BCLAF1: variants seen among roughly 807,000 people sequenced by gnomAD.
BCLAF1 encodes bcl-2-associated transcription factor 1.
A neutral mutation model predicts 99.5 loss-of-function variants in BCLAF1; 10 were observed. The ratio of observed to expected loss-of-function variants is 0.10; its 90% CI spans 0.06 to 0.17. BCLAF1 has a LOEUF of 0.17. Ranked by LOEUF, BCLAF1 falls within the 10% of genes least tolerant of loss-of-function variation. The pLI is 1.00. For missense variants in BCLAF1, 636 were observed against 1,105.8 expected (o/e 0.58, Z 6.02); for synonymous variants, 255 against 370.9 (o/e 0.69, Z 3.59).
chr6:136,265,189 G>C (rs571144785), intron 11 of BCLAF1, among the ~76,000 whole-genome samples: 1 of 151,978 alleles, frequency 6.6e-6, no homozygotes, highest in Non-Finnish European at 1.5e-5. Context: ...TTGAAATGTT[G>C]GTCTTTATCT....
In BCLAF1 at chr6:136,261,461, T is replaced by C. The variant is rs1278995890; in HGVS notation, c.2561A>G (p.Asp854Gly). 1 of 1,613,458 alleles carries C rather than the reference T, an allele frequency of 6.2e-7. No homozygotes were observed. Among genetic ancestry groups the C allele is most frequent in the Non-Finnish European group, 8.5e-7 (1 of 1,179,684 alleles). The change falls in exon 12 of 13, where the codon GAT becomes GGT. Residue 854 changes from aspartate to glycine, a missense_variant. This residue lies in a region of BCLAF1 where 57 missense variants were observed against 116.7 expected (regional missense o/e 0.49). Coordinates refer to ENST00000531224, the MANE Select transcript of BCLAF1 (RefSeq NM_014739.3). ...KKYFLHDDRD[D>G]GVDYWAKRGR... ...TCTTTTGGCCCAATAATCCACACCA[T>C]CATCTCTGTCGTCATGCTACAGAAA...
intron 7 of BCLAF1, 59 bp from the exon 8 acceptor site, chr6:136,272,138 T>C: frequency 8.4e-7 from 1 of 1,184,778 alleles, no homozygotes; most frequent in Non-Finnish European, 1.2e-6. Flanking sequence ...TTCAAAAACA[T>C]CCACACGATT....
intron 8 of BCLAF1, 33 bp from the exon 9 acceptor site, chr6:136,269,645 G>A (rs779772471): frequency 6.6e-7 from 1 of 1,513,046 alleles, no homozygotes; most frequent in Non-Finnish European, 8.8e-7. Flanking sequence ...ACAGATTTCA[G>A]GGGAGAAATA....
intron 5 of BCLAF1, 67 bp from the exon 6 acceptor site, chr6:136,275,768 T>C: frequency 2.6e-6 from 4 of 1,563,760 alleles, no homozygotes; most frequent in Non-Finnish European, 3.5e-6. Context: ...AAATGGTATG[T>C]TCAGAAAGTT....
Position 136,262,738 on chromosome 6 carries a change from G to A in BCLAF1, c.2545-1261C>T, listed in dbSNP as rs375490678. Among the ~76,000 whole-genome samples, 87 of 152,178 alleles carry A rather than the reference G, an allele frequency of 5.7e-4. 1 individual carries two copies. In the East Asian group the frequency reaches 8.3e-3, roughly 15 times the overall value. ...AAAATAAACTACTTTAAAATAGTCT[G>A]CCACTAAAAATAATGCCCACTCCAC... On this transcript the variant is annotated intron_variant, in intron 11 of 12. Coordinates refer to ENST00000531224, the MANE Select transcript of BCLAF1 (RefSeq NM_014739.3).
chr6:136,260,895 G>A lies in BCLAF1; in HGVS notation c.*215C>T, dbSNP rs1243426217. 1 of 511,062 alleles carries A rather than the reference G, an allele frequency of 2.0e-6. No homozygotes were observed. Among genetic ancestry groups the A allele is most frequent in the African/African-American group, 2.0e-5 (1 of 49,456 alleles). 31.7% of individuals were successfully genotyped at this position (511,062 alleles called of 1,614,324 possible). On this transcript the variant is annotated 3_prime_UTR_variant, in exon 13 of 13. Coordinates refer to ENST00000531224, the MANE Select transcript of BCLAF1 (RefSeq NM_014739.3). ...TTTAAAAGTTGATAGTTACAAATAT[G>A]GTACGTAACAATTTTCTACTTTATT...
intron 9 of BCLAF1, 166 bp from the exon 10 acceptor site, chr6:136,268,505 T>G (rs1199463926): frequency 3.1e-6 from 2 of 651,946 alleles, no homozygotes; most frequent in Admixed American, 3.0e-5. Context: ...GTTTCCATTC[T>G]CCTTCAATAT....
chr6:136,260,906 A>G lies in BCLAF1; in HGVS notation c.*204T>C, dbSNP rs1780878575. 1 of 543,988 alleles carries G rather than the reference A, an allele frequency of 1.8e-6. No individual in the cohort carries two copies. Among genetic ancestry groups the G allele is most frequent in the African/African-American group, 2.0e-5 (1 of 50,124 alleles). 33.7% of individuals were successfully genotyped at this position (543,988 alleles called of 1,614,324 possible). ...ATAGTTACAAATATGGTACGTAACAATTTTCTACTTTATTTCAGTACAATT... is the reference window on the plus strand; with the variant it reads ...ATAGTTACAAATATGGTACGTAACAGTTTTCTACTTTATTTCAGTACAATT... On this transcript the variant is annotated 3_prime_UTR_variant, in exon 13 of 13. Coordinates refer to ENST00000531224, the MANE Select transcript of BCLAF1 (RefSeq NM_014739.3).
chr6:136,270,516 G>C (rs1172043499), intron 8 of BCLAF1: 1 of 151,722 alleles, frequency 6.6e-6, no homozygotes, highest in African/African-American at 2.4e-5. Context: ...AAAACTGAAA[G>C]TACGTATCTC....
At chr6:136,287,680 T>C (rs1423543251) in intron 1 of BCLAF1, among the ~76,000 whole-genome samples, 1 of 152,198 alleles carries the variant, frequency 6.6e-6, no homozygotes, top group East Asian at 1.9e-4. Flanking sequence ...CATTTCTAAG[T>C]CTTCTCATCA....
chr6:136,271,890 A>T lies in BCLAF1; in HGVS notation c.2043+105T>A, dbSNP rs548680824. ...TACCATAATATAGTTATGAATTAAA[A>T]GTAGAAGATATCTATAGACATTTTG... On this transcript the variant is annotated intron_variant, in intron 8 of 12. Coordinates refer to ENST00000531224, the MANE Select transcript of BCLAF1 (RefSeq NM_014739.3). The T allele has an allele frequency of 1.8e-5, 14 of 773,974 alleles. No homozygotes were observed. The South Asian group carries it at 2.1e-4, about 12-fold the overall frequency. 47.9% of individuals were successfully genotyped at this position (773,974 alleles called of 1,614,324 possible).
rs750702095 is a variant in BCLAF1, at chr6:136,275,601, G to A, written c.1783C>T (p.Pro595Ser). The stretch of plus-strand genomic sequence containing the variant: ...TCTGAAGTGCTTTTGCTGGCCTGTG[G>A]CAACTTAATGTGGTCAAAGATGGAT... ...FRSIFDHIKL[P>S]QASKSTSESF... is the part of the protein sequence containing the mutation. Residue 595 changes from proline to serine, a missense_variant, in exon 6 of 13, where the codon CCA becomes TCA. Pro to Ser is a moderately conservative substitution (Grantham distance 74). Around this residue, in one of 9 missense-constraint regions of BCLAF1, gnomAD observed 180 missense variants for 270.0 expected, o/e 0.67. Transcript: ENST00000531224. The A allele has an allele frequency of 6.3e-7, 1 of 1,595,710 alleles. No individual in the cohort carries two copies. The highest frequency in any genetic ancestry group is 8.5e-7 in the Non-Finnish European group (1 of 1,172,652).
chr6:136,267,237 T>G, intron 10 of BCLAF1, 62 bp from the exon 11 acceptor site: 1 of 1,538,774 alleles, frequency 6.5e-7, no homozygotes, highest in Non-Finnish European at 8.9e-7. Flanking sequence ...TACATGCAAA[T>G]TCTAATTTTA....
chr6:136,274,029 T>C (rs1782913688), intron 6 of BCLAF1: 3 of 1,284,464 alleles, frequency 2.3e-6, no homozygotes, highest in African/African-American at 3.0e-5. Context: ...ACAAGGGTAG[T>C]GCCTCAATCA....
In BCLAF1 at chr6:136,261,434, C is replaced by T. The variant is rs748304265; in HGVS notation, c.2588G>A (p.Gly863Glu). ...ACGTTGAAAAGTACCACGACCTCTT[C>T]CTCTTTTGGCCCAATAATCCACACC... Reference protein sequence around the residue: ...DDGVDYWAKRGRGRGTFQRGR... With the variant: ...DDGVDYWAKRERGRGTFQRGR... Residue 863 changes from glycine (G) to glutamate (E), a missense_variant, in exon 12 of 13, where the codon GGA becomes GAA. Physicochemically the swap from Gly to Glu is moderately conservative, Grantham distance 98. Transcript: ENST00000531224. 6.2e-7 allele frequency: 1 copy of T among 1,613,724 alleles called. No homozygotes were observed. The highest frequency in any genetic ancestry group is 8.5e-7 in the Non-Finnish European group (1 of 1,179,788).
At chr6:136,268,988 T>C (rs1782135751) in intron 9 of BCLAF1, 2 of 466,184 alleles carry the variant, frequency 4.3e-6, no homozygotes, top group Admixed American at 5.3e-5. Flanking sequence ...GGAAATATTA[T>C]TTTGAAAGAC....
intron 8 of BCLAF1, chr6:136,270,222 A>G (rs1237999561): frequency 5.9e-5 from 9 of 151,980 alleles, no homozygotes; most frequent in African/African-American, 2.2e-4. Flanking sequence ...ACAAAGCCAG[A>G]AAGATATTCG....
intron 2 of BCLAF1, among the ~76,000 whole-genome samples, chr6:136,280,400 A>G (rs1358039114): frequency 6.6e-6 from 1 of 152,190 alleles, no homozygotes; most frequent in Non-Finnish European, 1.5e-5. Flanking sequence ...GAGTGGTACT[A>G]GATAGTATCC....
intron 11 of BCLAF1, among the ~76,000 whole-genome samples, chr6:136,262,123 T>C (rs1179943275): frequency 6.6e-6 from 1 of 152,156 alleles, no homozygotes; most frequent in Non-Finnish European, 1.5e-5. Flanking sequence ...ATCCCAGCTT[T>C]AACCATTAAT....
Sources: allele counts gnomAD v4.1 joint callset (sites outside exome capture counted in the v4.1 genomes callset), GRCh38; gene constraint gnomAD v4.1.1; regional missense constraint gnomAD v4.1.1; transcripts MANE v1.5; gene names NCBI Gene and HGNC (gene_info 2026-07-23, HGNC 2026-07-21).